The following RIMS1 variants were observed in gnomAD, a reference collection of about 807,000 sequenced individuals.
The protein encoded by RIMS1 is regulating synaptic membrane exocytosis protein 1.
Under a neutral mutation model 214.1 loss-of-function variants are expected in RIMS1, and 83 were observed. That is an observed-to-expected ratio of 0.39 (90% CI 0.32 to 0.47). The LOEUF is 0.47. RIMS1 is among the 20% of genes least tolerant of loss of function. The pLI is 0.99. For synonymous variants in RIMS1, 793 were observed against 786.8 expected (o/e 1.01, Z -0.13); for missense variants, 2,050 against 2,161.8 (o/e 0.95, Z 1.03).
intron 26 of RIMS1, among the ~76,000 whole-genome samples, chr6:72,296,638 A>G (rs1434397988): frequency 6.6e-6 from 1 of 151,946 alleles, no homozygotes; most frequent in Non-Finnish European, 1.5e-5. Flanking sequence ...ATAATTAACT[A>G]TTTGAACATG....
chr6:72,127,152 G>T (rs551446157), intron 4 of RIMS1, among the ~76,000 whole-genome samples: 1 of 152,100 alleles, frequency 6.6e-6, no homozygotes, highest in African/African-American at 2.4e-5. Context: ...ATTTTGGTGC[G>T]TAGTGATGGT....
At chr6:72,365,566 G>A (rs2097970789) in intron 29 of RIMS1, among the ~76,000 whole-genome samples, 1 of 152,084 alleles carries the variant, frequency 6.6e-6, no homozygotes, top group African/African-American at 2.4e-5. Flanking sequence ...ATATAATTTA[G>A]CATCCAAACT....
intron 2 of RIMS1, among the ~76,000 whole-genome samples, chr6:72,013,189 G>A (rs534728134): frequency 6.6e-6 from 1 of 152,076 alleles, no homozygotes; most frequent in Non-Finnish European, 1.5e-5. Flanking sequence ...TTTAGAGAAT[G>A]CCCAGAAAAT....
chr6:71,994,447 A>G (rs1054169667), intron 2 of RIMS1, among the ~76,000 whole-genome samples: 7 of 152,210 alleles, frequency 4.6e-5, no homozygotes, highest in Non-Finnish European at 1.0e-4. Context: ...GCCCTCAAGA[A>G]GCATAAAACA....
chr6:72,209,900 C>CAA lies in RIMS1; in HGVS notation c.1679-23850_1679-23849dup, dbSNP rs200401100. Among the ~76,000 whole-genome samples the CAA allele has an allele frequency of 3.1e-3, 352 of 115,346 alleles. 1 individual carries two copies. The highest frequency in any genetic ancestry group is 5.4e-3 in the Non-Finnish European group (271 of 50,138). The allele number at this position is 115,346 out of a possible 152,430, so 75.7% of individuals were successfully genotyped here. A position where few individuals can be genotyped will look rare whatever the true frequency, so the allele number is the denominator to read the frequency against. On this transcript the variant is annotated intron_variant, in intron 6 of 33. Transcript: ENST00000521978. Reference sequence around the variant, plus strand: ...TGGGCGACAGAGTGAGACTCTGTCTCAAAAAAAAAAAAAAAAAAAAAAAAG... The same window carrying CAA: ...TGGGCGACAGAGTGAGACTCTGTCTCAAAAAAAAAAAAAAAAAAAAAAAAAAG...
At chr6:72,365,555 T>G (rs2097969849) in intron 29 of RIMS1, among the ~76,000 whole-genome samples, 1 of 152,246 alleles carries the variant, frequency 6.6e-6, no homozygotes, top group Non-Finnish European at 1.5e-5. Context: ...GTCTATTGAC[T>G]ATATAATTTA....
At chr6:71,978,325 CT>C (rs1797670137) in intron 2 of RIMS1, among the ~76,000 whole-genome samples, 1 of 152,082 alleles carries the variant, frequency 6.6e-6, no homozygotes, top group African/African-American at 2.4e-5. Flanking sequence ...TTATATAGCA[CT>C]TCAAATATTG....
In RIMS1 at chr6:72,245,797, A is replaced by G; in HGVS notation, c.2082-18A>G. 3 of 1,601,988 alleles carry G rather than the reference A, an allele frequency of 1.9e-6. No homozygotes were observed. The highest frequency in any genetic ancestry group is 1.7e-5 in the Admixed American group (1 of 59,926). On this transcript the variant is annotated intron_variant, in intron 10 of 33. Coordinates refer to ENST00000521978, the MANE Select transcript of RIMS1 (RefSeq NM_014989.7). ...TCATTTAACTAATGGGATTTTCACC[A>G]TATCCTGTTTCTTTTAGTGACATTC...
At chr6:72,232,832 T>C (rs1250049774) in intron 6 of RIMS1, among the ~76,000 whole-genome samples, 1 of 151,808 alleles carries the variant, frequency 6.6e-6, no homozygotes, top group East Asian at 1.9e-4. Context: ...GTGCCTGTCA[T>C]GTACATACAA....
chr6:72,240,703 T>G (rs2066477358), intron 9 of RIMS1, among the ~76,000 whole-genome samples: 1 of 150,562 alleles, frequency 6.6e-6, no homozygotes, highest in South Asian at 2.1e-4. Context: ...AGGTAACAGC[T>G]TAGGGCAGTC....
chr6:72,282,205 A>G (rs2090448433), intron 23 of RIMS1, among the ~76,000 whole-genome samples: 2 of 152,024 alleles, frequency 1.3e-5, no homozygotes, highest in Admixed American at 1.3e-4. Flanking sequence ...TCCCATAACT[A>G]TTTTTATTTT....
At chr6:72,368,357 A>T (rs1016723768) in intron 29 of RIMS1, among the ~76,000 whole-genome samples, 1 of 129,110 alleles carries the variant, frequency 7.7e-6, no homozygotes, top group Non-Finnish European at 1.5e-5. Flanking sequence ...GCTGGAGTGC[A>T]GTGGCGCAAT....
chr6:72,164,341 G>C (rs920980533), intron 4 of RIMS1, among the ~76,000 whole-genome samples: 1 of 152,026 alleles, frequency 6.6e-6, no homozygotes, highest in East Asian at 1.9e-4. Flanking sequence ...GTGCTTCCTG[G>C]GTGAGGCAAT....
chr6:72,020,949 G>T (rs141093552), intron 2 of RIMS1, among the ~76,000 whole-genome samples: 44 of 152,300 alleles, frequency 2.9e-4, no homozygotes, highest in Middle Eastern at 3.4e-3. Flanking sequence ...TGCTATATGT[G>T]ATACTGTACT....
intron 6 of RIMS1, among the ~76,000 whole-genome samples, chr6:72,199,925 T>G: frequency 6.6e-6 from 1 of 151,964 alleles, no homozygotes; most frequent in Non-Finnish European, 1.5e-5. Flanking sequence ...AAAAATAAGG[T>G]TGGGAAGTAG....
At chr6:71,993,316 C>G (rs1802451932) in intron 2 of RIMS1, among the ~76,000 whole-genome samples, 1 of 152,144 alleles carries the variant, frequency 6.6e-6, no homozygotes. Context: ...TTTAAATTTT[C>G]TTTTGTTTTG....
intron 2 of RIMS1, among the ~76,000 whole-genome samples, chr6:72,018,096 G>A (rs1294179970): frequency 6.6e-6 from 1 of 151,492 alleles, no homozygotes; most frequent in African/African-American, 2.5e-5. Context: ...GTAGCTGCTG[G>A]GCTAAACAAC....
intron 4 of RIMS1, among the ~76,000 whole-genome samples, chr6:72,149,537 G>C (rs1339740726): frequency 6.6e-6 from 1 of 152,078 alleles, no homozygotes; most frequent in Non-Finnish European, 1.5e-5. Flanking sequence ...ATGGGGGTGG[G>C]GGTGGTGGCA....
At chr6:72,353,076 C>G (rs567870960) in intron 29 of RIMS1, among the ~76,000 whole-genome samples, 1 of 146,798 alleles carries the variant, frequency 6.8e-6, no homozygotes, top group African/African-American at 2.5e-5. Context: ...CTGCAACTTC[C>G]GTCTCCCGGG....
Sources: gnomAD v4.1 joint callset for allele counts (sites outside exome capture counted in the v4.1 genomes callset) on GRCh38, gnomAD v4.1.1 for gene constraint, MANE v1.5 for transcripts, NCBI Gene and HGNC (gene_info 2026-07-23, HGNC 2026-07-21) for gene names.